CD247: variants seen among roughly 807,000 people sequenced by gnomAD.
CD247 encodes CD247 molecule, also known as T-cell surface glycoprotein CD3 zeta chain.
CD247 carries 13 observed loss-of-function variants against 30.0 expected under a neutral mutation model. The observed-to-expected ratio is 0.43, with a 90% CI of 0.28 to 0.69. CD247 has a LOEUF of 0.69. Ranked by LOEUF, CD247 falls within the 30% of genes least tolerant of loss-of-function variation. The pLI is 0.16. For missense variants in CD247, 193 were observed against 212.6 expected (o/e 0.91, Z 0.57); for synonymous variants, 72 against 80.0 (o/e 0.90, Z 0.53).
At chr1:167,438,315 G>A (rs1237932336) in intron 4 of CD247, among the ~76,000 whole-genome samples, 6 of 152,218 alleles carry the variant, frequency 3.9e-5, no homozygotes, top group Non-Finnish European at 8.8e-5. Context: ...GCAGTTTGAG[G>A]GGAAGTGGGT....
chr1:167,460,969 G>T (rs1652981589), intron 1 of CD247, among the ~76,000 whole-genome samples: 1 of 152,240 alleles, frequency 6.6e-6, no homozygotes, highest in South Asian at 2.1e-4. Flanking sequence ...AGGTGTGTTT[G>T]TCAGTTTGGC....
At chr1:167,432,156 C>T (rs1353784801) in intron 7 of CD247, among the ~76,000 whole-genome samples, 1 of 152,254 alleles carries the variant, frequency 6.6e-6, no homozygotes. Flanking sequence ...GACACCTGGG[C>T]CCAAAGGAAG....
chr1:167,499,667 G>T (rs1469780421), intron 1 of CD247, among the ~76,000 whole-genome samples: 1 of 152,126 alleles, frequency 6.6e-6, no homozygotes, highest in Non-Finnish European at 1.5e-5. Flanking sequence ...TTAGTGCAGG[G>T]TATTCCTTCC....
At chr1:167,459,445 C>T (rs1355017871) in intron 1 of CD247, among the ~76,000 whole-genome samples, 1 of 150,642 alleles carries the variant, frequency 6.6e-6, no homozygotes, top group African/African-American at 2.5e-5. Flanking sequence ...CTCCACCTCC[C>T]GGGTTCAAGC....
chr1:167,469,801 C>G (rs975873290), intron 1 of CD247, among the ~76,000 whole-genome samples: 1 of 152,332 alleles, frequency 6.6e-6, no homozygotes, highest in African/African-American at 2.4e-5. Context: ...GATGGCATCT[C>G]TGCCTCTCCT....
intron 1 of CD247, among the ~76,000 whole-genome samples, chr1:167,456,003 C>T (rs1204681074): frequency 7.1e-6 from 1 of 141,102 alleles, no homozygotes; most frequent in Non-Finnish European, 1.6e-5. Flanking sequence ...CTGGGCCTTC[C>T]CACCCCCCGC....
At chr1:167,506,527 C>G (rs1269210390) in intron 1 of CD247, among the ~76,000 whole-genome samples, 1 of 151,882 alleles carries the variant, frequency 6.6e-6, no homozygotes, top group Non-Finnish European at 1.5e-5. Flanking sequence ...TTTTCTCTCT[C>G]TCTCTTTTTT....
chr1:167,434,543 C>A lies in CD247; in HGVS notation c.337-467G>T, dbSNP rs919765888. Reference sequence around the variant, plus strand: ...CCACCTGCAAGGGTCTCCTGCATGGCAACCCAGATCGACAATCAGGGTTCA... The same window carrying A: ...CCACCTGCAAGGGTCTCCTGCATGGAAACCCAGATCGACAATCAGGGTTCA... On this transcript the variant is annotated intron_variant, in intron 5 of 7. Coordinates refer to ENST00000362089, the MANE Select transcript of CD247 (RefSeq NM_198053.3). 5.6e-5 allele frequency: 20 copies of A among 356,422 alleles called. No individual in the cohort carries two copies. The Admixed American group carries it at 7.2e-4, about 13-fold the overall frequency. The allele number at this position is 356,422 out of a possible 1,614,324, so 22.1% of individuals were successfully genotyped here.
chr1:167,478,109 T>C (rs1190585316), intron 1 of CD247, among the ~76,000 whole-genome samples: 2 of 152,190 alleles, frequency 1.3e-5, no homozygotes, highest in African/African-American at 4.8e-5. Flanking sequence ...AGCCAGACCA[T>C]AGAGCTGTGA....
At chr1:167,471,107 G>A (rs148667811) in intron 1 of CD247, among the ~76,000 whole-genome samples, 26 of 152,128 alleles carry the variant, frequency 1.7e-4, no homozygotes, top group African/African-American at 5.1e-4. Flanking sequence ...TTCTAACCTC[G>A]TGATCTGCCT....
At position 167,437,070 on chromosome 1, in the gene CD247, C is replaced by T. The variant is rs377307225; in HGVS notation, c.300+1500G>A. Reference sequence around the variant, plus strand: ...TATTAACAATAACCACGGCTGGGCGCGGGGGCTTACACCTGTGATTCCAGA... The same window carrying T: ...TATTAACAATAACCACGGCTGGGCGTGGGGGCTTACACCTGTGATTCCAGA... On this transcript the variant is annotated intron_variant, in intron 4 of 7. Transcript: ENST00000362089. Among the ~76,000 whole-genome samples, 130 of 152,186 alleles carry T rather than the reference C, an allele frequency of 8.5e-4. No individual in the cohort carries two copies. The South Asian group carries it at 0.024, about 28-fold the overall frequency.
chr1:167,469,922 A>AT (rs920453683), intron 1 of CD247, among the ~76,000 whole-genome samples: 46 of 151,106 alleles, frequency 3.0e-4, no homozygotes, highest in African/African-American at 9.7e-4. Context: ...ATTTTATTTT[A>AT]TTTTTTTTGA....
intron 1 of CD247, among the ~76,000 whole-genome samples, chr1:167,479,242 G>A (rs1311899137): frequency 1.3e-5 from 2 of 152,186 alleles, no homozygotes; most frequent in South Asian, 2.1e-4. Context: ...GTTACTCTGG[G>A]GATGTGGATG....
chr1:167,512,305 T>C (rs559077007), intron 1 of CD247, among the ~76,000 whole-genome samples: 4 of 152,230 alleles, frequency 2.6e-5, no homozygotes, highest in East Asian at 3.9e-4. Context: ...GTTAAAAATA[T>C]TGTGGTAAGG....
intron 1 of CD247, among the ~76,000 whole-genome samples, chr1:167,516,583 C>G (rs180724581): frequency 6.6e-6 from 1 of 152,236 alleles, no homozygotes; most frequent in African/African-American, 2.4e-5. Context: ...AAAGCACCAT[C>G]GCAGCCCTCG....
Position 167,430,844 on chromosome 1 carries a change from G to C in CD247, c.*837C>G, listed in dbSNP as rs1052230. The C allele has an allele frequency of 0.15, 58,937 of 398,696 alleles. 4,578 individuals carry two copies. Among genetic ancestry groups the C allele is most frequent in the East Asian group, 0.24 (6,801 of 28,062 alleles). The allele number at this position is 398,696 out of a possible 1,614,324, so 24.7% of individuals were successfully genotyped here. A position where few individuals can be genotyped will look rare whatever the true frequency, so the allele number is the denominator to read the frequency against. On this transcript the variant is annotated 3_prime_UTR_variant, in exon 8 of 8. Coordinates refer to ENST00000362089, the MANE Select transcript of CD247 (RefSeq NM_198053.3). Reference sequence around the variant, plus strand: ...GGGCAGTTATAGGTCCCATGTGTTGGGTCTTCCTGCGAGGCCTTCACAAAG... The same window carrying C: ...GGGCAGTTATAGGTCCCATGTGTTGCGTCTTCCTGCGAGGCCTTCACAAAG...
At chr1:167,506,174 C>T (rs1655104319) in intron 1 of CD247, among the ~76,000 whole-genome samples, 1 of 152,198 alleles carries the variant, frequency 6.6e-6, no homozygotes, top group Non-Finnish European at 1.5e-5. Flanking sequence ...CCAGCCCAGT[C>T]CCACTCTGGT....
rs896223479 is a variant in CD247 at position 167,431,144 on chromosome 1, G to A, written c.*537C>T. 4.7e-6 allele frequency: 2 copies of A among 423,666 alleles called. No individual in the cohort carries two copies. The highest frequency in any genetic ancestry group is 3.3e-5 in the East Asian group (1 of 30,062). 26.2% of individuals were successfully genotyped at this position (423,666 alleles called of 1,614,324 possible). A position where few individuals can be genotyped will look rare whatever the true frequency, so the allele number is the denominator to read the frequency against. ...CCCATGCCCCTGCAGCTCCCTGGTT[G>A]CACCTGGCCTAGGCTCCTTTCCATC... On this transcript the variant is annotated 3_prime_UTR_variant, in exon 8 of 8. Coordinates refer to ENST00000362089, the MANE Select transcript of CD247 (RefSeq NM_198053.3).
At chr1:167,441,048 C>T (rs71632312) in intron 1 of CD247, among the ~76,000 whole-genome samples, 2,236 of 152,270 alleles carry the variant, frequency 0.015, 29 homozygotes, top group South Asian at 0.028. Flanking sequence ...TGAGGCTGTT[C>T]TCTGTGCACA....
Sources: allele counts gnomAD v4.1 joint callset (sites outside exome capture counted in the v4.1 genomes callset), GRCh38; gene constraint gnomAD v4.1.1; transcripts MANE v1.5; gene names NCBI Gene and HGNC (gene_info 2026-07-23, HGNC 2026-07-21).